The following EMG1 variants were observed in gnomAD, a reference collection of about 807,000 sequenced individuals.
EMG1 encodes the protein EMG1 N1-specific pseudouridine methyltransferase, also known as ribosomal RNA small subunit methyltransferase NEP1.
A neutral mutation model predicts 26.9 loss-of-function variants in EMG1; 24 were observed. That is an observed-to-expected ratio of 0.89 (90% confidence interval 0.65 to 1.26). The LOEUF (loss-of-function observed/expected upper bound fraction) is 1.26. EMG1 is among the 50% of genes most tolerant of loss of function. The pLI is 0.00. For missense variants in EMG1, 299 were observed against 307.6 expected (o/e 0.97, Z 0.21); for synonymous variants, 140 against 112.6 (o/e 1.24, Z -1.54).
rs1211891239 is a variant in EMG1, at chr12:6,976,908, G to T, written c.*1099G>T. 1 of 485,396 alleles carries T rather than the reference G, an allele frequency of 2.1e-6. No individual in the cohort carries two copies. The highest frequency in any genetic ancestry group is 3.8e-6 in the Non-Finnish European group (1 of 264,864). 30.1% of individuals were successfully genotyped at this position (485,396 alleles called of 1,614,324 possible). A position where few individuals can be genotyped will look rare whatever the true frequency, so the allele number is the denominator to read the frequency against. ...ACAGGCCACCTGCAAGACAAGAGGA[G>T]TTTGGAAGGCTGGTTAGTTACTCCT... is the stretch of plus-strand genomic sequence containing the variant. On this transcript the variant is annotated 3_prime_UTR_variant, in exon 6 of 6. Coordinates refer to ENST00000599672, the MANE Select transcript of EMG1 (RefSeq NM_006331.8).
chr12:6,983,296 C>T (rs1555154380), downstream of EMG1: 1 of 663,118 alleles, frequency 1.5e-6, no homozygotes, highest in Admixed American at 2.5e-5. Flanking sequence ...CTGTGTTCCT[C>T]TTCATACAAC....
At chr12:6,991,197 T>C (rs1946587551), downstream of EMG1, among the ~76,000 whole-genome samples, 2 of 152,206 alleles carry the variant, frequency 1.3e-5, no homozygotes. Flanking sequence ...TGTTGTAATA[T>C]GTTAGTTTGG....
downstream of EMG1, chr12:6,982,944 T>C: frequency 1.5e-6 from 1 of 664,384 alleles, no homozygotes. Context: ...TTTATTAAAA[T>C]AAAAAAGATT....
chr12:6,990,958 G>C (rs1201542846), downstream of EMG1, among the ~76,000 whole-genome samples: 1 of 139,186 alleles, frequency 7.2e-6, no homozygotes, highest in African/African-American at 2.7e-5. Context: ...TAAAAAAAAA[G>C]TAAAAGATAT....
Position 6,978,174 on chromosome 12 carries a change from T to G in EMG1, c.*2365T>G. ...TTTTTTCAAATATGACAGTAATGGT[T>G]TTTTTGGGAGGGGGGTATAGGTGGG... On this transcript the variant is annotated 3_prime_UTR_variant, in exon 6 of 6. Coordinates refer to ENST00000599672, the MANE Select transcript of EMG1 (RefSeq NM_006331.8). 1 of 765,910 alleles carries G rather than the reference T, an allele frequency of 1.3e-6. No homozygotes were observed. The highest frequency in any genetic ancestry group is 2.1e-6 in the Non-Finnish European group (1 of 481,338). 47.4% of individuals were successfully genotyped at this position (765,910 alleles called of 1,614,324 possible).
At position 6,975,137 on chromosome 12, in the gene EMG1, A is replaced by C. The variant is rs782301311; in HGVS notation, c.460A>C (p.Lys154Gln). Residue 154 changes from lysine (K) to glutamine (Q), a missense_variant, in exon 4 of 6, where the codon AAG becomes CAG. Lys to Gln is a moderately conservative substitution (Grantham distance 53). Coordinates refer to ENST00000599672, the MANE Select transcript of EMG1 (RefSeq NM_006331.8). ...LSVRAADGPQ[K>Q]LLKVIKNPVS... ...TGTTCGAGCAGCTGATGGCCCCCAGAAGCTTTTGAAGGTGAGGTATTGAAA... is the reference window on the plus strand; with the variant it reads ...TGTTCGAGCAGCTGATGGCCCCCAGCAGCTTTTGAAGGTGAGGTATTGAAA... 2.9e-5 allele frequency: 46 copies of C among 1,613,868 alleles called. No homozygotes were observed. Among genetic ancestry groups the C allele is most frequent in the Non-Finnish European group, 3.6e-5 (43 of 1,179,892 alleles).
At chr12:6,991,806 C>T (rs782297699), downstream of EMG1, among the ~76,000 whole-genome samples, 12 of 152,154 alleles carry the variant, frequency 7.9e-5, no homozygotes, top group Non-Finnish European at 1.2e-4. Flanking sequence ...CTTGAATAAT[C>T]GCCCAAATGC....
chr12:6,996,584 G>A (rs1469619832), intron 7 of EMG1, among the ~76,000 whole-genome samples: 3 of 152,142 alleles, frequency 2.0e-5, no homozygotes, highest in Admixed American at 6.6e-5. Context: ...CTGAATGGCC[G>A]AACAATGAGT....
At chr12:6,993,154 T>C (rs1399785050), downstream of EMG1, among the ~76,000 whole-genome samples, 8 of 152,176 alleles carry the variant, frequency 5.3e-5, no homozygotes, top group African/African-American at 1.7e-4. Context: ...ATTCAAAAGG[T>C]TGTCGCCGGG....
intron 1 of EMG1, among the ~76,000 whole-genome samples, chr12:6,973,704 G>C (rs781856231): frequency 1.3e-5 from 2 of 151,830 alleles, no homozygotes; most frequent in Non-Finnish European, 2.9e-5. Flanking sequence ...CACCATGCCC[G>C]GCTAATTTTT....
chr12:6,981,649 C>A (rs60056851), downstream of EMG1: 29 of 1,478,524 alleles, frequency 2.0e-5, no homozygotes, highest in Non-Finnish European at 2.0e-5. Context: ...AGAGAGAGAA[C>A]GGATGGGTAG....
At chr12:6,983,406 T>C (rs1202664539), downstream of EMG1, 2 of 1,449,716 alleles carry the variant, frequency 1.4e-6, no homozygotes, top group Non-Finnish European at 1.9e-6. Flanking sequence ...CTAATTGCGG[T>C]GTCACTGCTA....
chr12:6,985,147 T>C (rs1946509131), intron 6 of EMG1, among the ~76,000 whole-genome samples: 1 of 132,430 alleles, frequency 7.6e-6, no homozygotes, highest in Non-Finnish European at 1.6e-5. Context: ...ATCCCAGCAC[T>C]ATGGGAGGCT....
At chr12:6,990,292 G>A (rs782777960), downstream of EMG1, among the ~76,000 whole-genome samples, 543 of 151,308 alleles carry the variant, frequency 3.6e-3, 3 homozygotes, top group African/African-American at 0.012. Context: ...GGCGGATCAC[G>A]AGGTCAGGAG....
At chr12:6,986,057 G>A (rs1316011816) in intron 6 of EMG1, among the ~76,000 whole-genome samples, 4 of 151,592 alleles carry the variant, frequency 2.6e-5, no homozygotes, top group Non-Finnish European at 5.9e-5. Context: ...TTACAGGCGT[G>A]AGCCACCACG....
chr12:6,975,394 A>C lies in EMG1; in HGVS notation c.621+16A>C. On this transcript the variant is annotated intron_variant, in intron 5 of 5. Coordinates refer to ENST00000599672, the MANE Select transcript of EMG1 (RefSeq NM_006331.8). ...CCATGGCAAGGTAAGGTCTGGGCTC[A>C]ACCCTGAAATTCTTGGTAGAGCTGA... 6.3e-7 allele frequency: 1 copy of C among 1,576,576 alleles called. No homozygotes were observed. The highest frequency in any genetic ancestry group is 8.6e-7 in the Non-Finnish European group (1 of 1,161,568).
In EMG1 at chr12:6,978,821, G is replaced by C. The variant is rs985405761; in HGVS notation, c.*3012G>C. 1 of 1,321,152 alleles carries C rather than the reference G, an allele frequency of 7.6e-7. No homozygotes were observed. Among genetic ancestry groups the C allele is most frequent in the Non-Finnish European group, 1.0e-6 (1 of 973,304 alleles). 81.8% of individuals were successfully genotyped at this position (1,321,152 alleles called of 1,614,324 possible). A position where few individuals can be genotyped will look rare whatever the true frequency, so the allele number is the denominator to read the frequency against. On this transcript the variant is annotated 3_prime_UTR_variant, in exon 6 of 6. Coordinates refer to ENST00000599672, the MANE Select transcript of EMG1 (RefSeq NM_006331.8). ...GTCCTGCTGCCAGATGCCCTCAATA[G>C]TCTGGCCTGATTGCCTTCACAATAG...
chr12:6,983,466 G>C, downstream of EMG1: 1 of 1,612,344 alleles, frequency 6.2e-7, no homozygotes, highest in Non-Finnish European at 8.5e-7. Context: ...GGCCTGTAAA[G>C]GTATGGAAGA....
rs1555153366 is a variant in EMG1, at chr12:6,977,248, G to T, written c.*1439G>T. On this transcript the variant is annotated 3_prime_UTR_variant, in exon 6 of 6. Coordinates refer to ENST00000599672, the MANE Select transcript of EMG1 (RefSeq NM_006331.8). The surrounding 1 kb of genome is among the most constrained non-coding windows in gnomAD (Gnocchi z 4.5). ...GGAAGAAGATGTGGCCAAGGAAATA[G>T]ATGGATTTATACACCTGTGGAGAGA... is the stretch of plus-strand genomic sequence containing the variant. 1 of 1,613,612 alleles carries T rather than the reference G, an allele frequency of 6.2e-7. No individual in the cohort carries two copies. The highest frequency in any genetic ancestry group is 8.5e-7 in the Non-Finnish European group (1 of 1,179,502).
Sources: gnomAD v4.1 joint callset for allele counts (sites outside exome capture counted in the v4.1 genomes callset) on GRCh38, gnomAD v4.1.1 for gene constraint, Gnocchi (gnomAD v3.1) non-coding constraint, MANE v1.5 for transcripts, NCBI Gene and HGNC (gene_info 2026-07-23, HGNC 2026-07-21) for gene names.